Variants in LPP observed in about 807,000 individuals in gnomAD.
LPP encodes lipoma-preferred partner.
In LPP, 38 loss-of-function variants were observed where a neutral mutation model predicts 60.4. The observed-to-expected ratio is 0.63, with a 90% CI of 0.49 to 0.83. The LOEUF is 0.83. LPP is among the 40% of genes least tolerant of loss of function. LPP has a pLI of 0.00. For missense variants in LPP, 902 were observed against 783.6 expected (o/e 1.15, Z -1.80); for synonymous variants, 328 against 290.8 (o/e 1.13, Z -1.30).
Position 188,881,139 on chromosome 3 carries a change from C to CAGAAAAAAAAAAAAAAAA in LPP, c.*6661_*6662insGAAAAAAAAAAAAAAAAA, listed in dbSNP as rs1769951113. 1 of 72,388 alleles carries CAGAAAAAAAAAAAAAAAA rather than the reference C, an allele frequency of 1.4e-5. No individual in the cohort carries two copies. Among genetic ancestry groups the CAGAAAAAAAAAAAAAAAA allele is most frequent in the Non-Finnish European group, 3.1e-5 (1 of 32,568 alleles). 4.5% of individuals were successfully genotyped at this position (72,388 alleles called of 1,614,324 possible). Reference sequence around the variant, plus strand: ...TGGGCGAAAGAGCGAGACTCCGTCTCAAAAAAAAAAAAAAAAAAATAGGAT... The same window carrying CAGAAAAAAAAAAAAAAAA: ...TGGGCGAAAGAGCGAGACTCCGTCTCAGAAAAAAAAAAAAAAAAAAAAAAAAAAAAAAAAAAATAGGAT... On this transcript the variant is annotated 3_prime_UTR_variant, in exon 12 of 12. Transcript: ENST00000617246.
chr3:188,582,911 C>T (rs901152663), intron 6 of LPP, among the ~76,000 whole-genome samples: 2 of 152,170 alleles, frequency 1.3e-5, no homozygotes, highest in South Asian at 2.1e-4. Context: ...TGCTGCGGTA[C>T]GTGATTTCAG....
chr3:188,758,697 A>G (rs978636085), intron 8 of LPP: 3 of 152,224 alleles, frequency 2.0e-5, no homozygotes, highest in Non-Finnish European at 4.4e-5. Flanking sequence ...AGCCGTCTTC[A>G]GTGAGAAGTC....
chr3:188,826,890 A>G (rs1755686344), intron 9 of LPP, among the ~76,000 whole-genome samples: 1 of 152,036 alleles, frequency 6.6e-6, no homozygotes, highest in African/African-American at 2.4e-5. Flanking sequence ...CTTCATAATG[A>G]TGATAAGATC....
At position 188,406,157 on chromosome 3, in the gene LPP, G is replaced by A. The variant is rs1783440517; in HGVS notation, c.37G>A (p.Gly13Ser). 6.2e-7 allele frequency: 1 copy of A among 1,614,000 alleles called. No homozygotes were observed. Among genetic ancestry groups the A allele is most frequent in the Non-Finnish European group, 8.5e-7 (1 of 1,179,934 alleles). The change falls in exon 4 of 12, where the codon GGT (glycine) becomes AGT (serine). Residue 13 changes from glycine to serine, a missense_variant. Coordinates refer to ENST00000617246, the MANE Select transcript of LPP (RefSeq NM_001375462.1). Reference sequence around the variant, plus strand: ...ATCTTGGCTGCCACCCAAAAGCACTGGTGAGCCCCTCGGCCATGTGCCTGC... The same window carrying A: ...ATCTTGGCTGCCACCCAAAAGCACTAGTGAGCCCCTCGGCCATGTGCCTGC... ...HPSWLPPKSTGEPLGHVPARM... is the reference protein window; with the variant it reads ...HPSWLPPKSTSEPLGHVPARM...
At chr3:188,625,351 G>C (rs1004013438) in intron 7 of LPP, among the ~76,000 whole-genome samples, 1 of 152,006 alleles carries the variant, frequency 6.6e-6, no homozygotes, top group East Asian at 1.9e-4. Flanking sequence ...TAAAACCTCT[G>C]GTATTGGGAT....
chr3:188,188,831 A>G (rs1228002250), intron 1 of LPP, among the ~76,000 whole-genome samples: 1 of 152,184 alleles, frequency 6.6e-6, no homozygotes, highest in Non-Finnish European at 1.5e-5. Context: ...CATTTACTCT[A>G]TGGTTATGGA....
At chr3:188,435,469 C>T (rs748136007) in intron 4 of LPP, among the ~76,000 whole-genome samples, 12 of 151,964 alleles carry the variant, frequency 7.9e-5, no homozygotes, top group Admixed American at 7.9e-4. Flanking sequence ...TGGAGACACA[C>T]GTTTATATAA....
chr3:188,252,882 C>A (rs1730382798), intron 2 of LPP, among the ~76,000 whole-genome samples: 1 of 152,170 alleles, frequency 6.6e-6, no homozygotes, highest in South Asian at 2.1e-4. Context: ...AGTGATTCCC[C>A]TGCCTCAACC....
At chr3:188,341,158 C>T (rs1353919613) in intron 2 of LPP, among the ~76,000 whole-genome samples, 1 of 152,114 alleles carries the variant, frequency 6.6e-6, no homozygotes, top group Non-Finnish European at 1.5e-5. Flanking sequence ...TTTCTCTCTC[C>T]ACCAAGCCTT....
intron 2 of LPP, among the ~76,000 whole-genome samples, chr3:188,258,006 C>T (rs1560167644): frequency 6.6e-6 from 1 of 152,152 alleles, no homozygotes; most frequent in Non-Finnish European, 1.5e-5. Context: ...TAAGTAAAAC[C>T]AGCGCTGAGC....
intron 9 of LPP, among the ~76,000 whole-genome samples, chr3:188,780,478 T>A (rs1458637156): frequency 6.6e-6 from 1 of 152,064 alleles, no homozygotes; most frequent in Non-Finnish European, 1.5e-5. Context: ...GAAATTAGGC[T>A]TTGGTAAAGA....
chr3:188,807,070 G>A (rs1288915425), intron 9 of LPP, among the ~76,000 whole-genome samples: 1 of 151,282 alleles, frequency 6.6e-6, no homozygotes, highest in African/African-American at 2.4e-5. Context: ...TCCTGAAACA[G>A]TTTTTAATTC....
intron 9 of LPP, among the ~76,000 whole-genome samples, chr3:188,766,456 C>T (rs771344917): frequency 2.7e-5 from 4 of 150,386 alleles, no homozygotes; most frequent in Non-Finnish European, 5.9e-5. Context: ...TTTTATGAAG[C>T]ACTTTTCTTT....
chr3:188,334,835 C>G (rs1440281163), intron 2 of LPP, among the ~76,000 whole-genome samples: 3 of 152,140 alleles, frequency 2.0e-5, no homozygotes, highest in Non-Finnish European at 2.9e-5. Flanking sequence ...TTCTTTGCAT[C>G]TTTGCCAGCG....
intron 6 of LPP, among the ~76,000 whole-genome samples, chr3:188,560,085 A>G (rs1830325668): frequency 6.6e-6 from 1 of 152,090 alleles, no homozygotes; most frequent in Non-Finnish European, 1.5e-5. Flanking sequence ...CCAGATCCTA[A>G]TCTCTTCACT....
intron 5 of LPP, among the ~76,000 whole-genome samples, chr3:188,503,599 T>C (rs1457522925): frequency 6.6e-6 from 1 of 152,088 alleles, no homozygotes; most frequent in African/African-American, 2.4e-5. Flanking sequence ...TTAGCATTTC[T>C]TGCAGGAGAA....
intron 9 of LPP, among the ~76,000 whole-genome samples, chr3:188,815,082 T>A (rs1014319905): frequency 1.1e-4 from 16 of 152,252 alleles, no homozygotes; most frequent in African/African-American, 3.6e-4. Flanking sequence ...ATGATTATGT[T>A]TAGCCAACAT....
At chr3:188,621,699 C>T (rs765010755) in intron 7 of LPP, among the ~76,000 whole-genome samples, 4 of 152,038 alleles carry the variant, frequency 2.6e-5, no homozygotes, top group Non-Finnish European at 4.4e-5. Context: ...CTCATTCTGT[C>T]GCCCAGGCTG....
At chr3:188,353,725 T>C (rs1766650322) in intron 3 of LPP, among the ~76,000 whole-genome samples, 1 of 152,358 alleles carries the variant, frequency 6.6e-6, no homozygotes, top group African/African-American at 2.4e-5. Context: ...TTATGGGGCC[T>C]CAGGTTTAAA....
Sources: allele counts gnomAD v4.1 joint callset (sites outside exome capture counted in the v4.1 genomes callset), GRCh38; gene constraint gnomAD v4.1.1; transcripts MANE v1.5; gene names NCBI Gene and HGNC (gene_info 2026-07-23, HGNC 2026-07-21).